Variants in DNAH14 observed in about 807,000 individuals in gnomAD.
The protein encoded by DNAH14 is axonemal beta dynein heavy chain 14.
DNAH14 carries 478 observed loss-of-function variants against 520.9 expected under a neutral mutation model. That is an observed-to-expected ratio of 0.92 (90% CI 0.85 to 0.99). The LOEUF is 0.99. Ranked by LOEUF, DNAH14 falls within the 50% of genes least tolerant of loss-of-function variation. The pLI, the probability that DNAH14 is intolerant of heterozygous loss-of-function variation, is 0.00. For missense variants in DNAH14, 4,831 were observed against 5,234.5 expected (o/e 0.92, Z 2.38); for synonymous variants, 1,581 against 1,757.2 (o/e 0.90, Z 2.51).
intron 8 of DNAH14, among the ~76,000 whole-genome samples, chr1:224,981,746 T>C (rs920952552): frequency 2.6e-4 from 39 of 152,194 alleles, no homozygotes; most frequent in African/African-American, 8.9e-4. Flanking sequence ...AGCTTTTTGT[T>C]TCATTTATCT....
At chr1:225,102,323 C>G (rs1214524397) in intron 23 of DNAH14, among the ~76,000 whole-genome samples, 1 of 152,022 alleles carries the variant, frequency 6.6e-6, no homozygotes, top group Non-Finnish European at 1.5e-5. Flanking sequence ...CAAGTCTTTG[C>G]TATTGTGAAT....
In DNAH14 at chr1:225,185,241, A is replaced by G. The variant is rs1573820000; in HGVS notation, c.5536-50A>G. On this transcript the variant is annotated intron_variant, in intron 36 of 85. Transcript: ENST00000682510. ...AATGGATATAGAGATATATTGGTTA[A>G]TAAACTTAAAATCATTAATGAATGA... 25 of 1,519,570 alleles carry G rather than the reference A, an allele frequency of 1.6e-5. 1 individual carries two copies. In the East Asian group the frequency reaches 2.8e-4, roughly 17 times the overall value. 94.1% of individuals were successfully genotyped at this position (1,519,570 alleles called of 1,614,324 possible).
intron 35 of DNAH14, among the ~76,000 whole-genome samples, chr1:225,163,543 A>G (rs927264494): frequency 1.2e-4 from 19 of 152,128 alleles, no homozygotes; most frequent in African/African-American, 4.6e-4. Context: ...ATACACAGTT[A>G]TTTGAGGATT....
intron 66 of DNAH14, among the ~76,000 whole-genome samples, chr1:225,337,032 T>C (rs1389925547): frequency 6.6e-6 from 1 of 152,214 alleles, no homozygotes; most frequent in Non-Finnish European, 1.5e-5. Flanking sequence ...ATCTTTGTTG[T>C]GATGGGCATC....
intron 84 of DNAH14, among the ~76,000 whole-genome samples, chr1:225,395,333 C>T (rs1477691714): frequency 6.6e-6 from 1 of 152,156 alleles, no homozygotes; most frequent in African/African-American, 2.4e-5. Context: ...GTGTCTCACA[C>T]CTGTAATCCC....
chr1:225,383,827 T>C (rs916969466), intron 81 of DNAH14, among the ~76,000 whole-genome samples: 1 of 152,244 alleles, frequency 6.6e-6, no homozygotes, highest in African/African-American at 2.4e-5. Flanking sequence ...TTAATTGTAA[T>C]ATTACAGTGT....
intron 35 of DNAH14, among the ~76,000 whole-genome samples, chr1:225,165,682 C>T (rs2081974203): frequency 6.6e-6 from 1 of 151,962 alleles, no homozygotes; most frequent in African/African-American, 2.4e-5. Context: ...ACCTCGGGCT[C>T]AAGCAATCCT....
intron 11 of DNAH14, among the ~76,000 whole-genome samples, chr1:225,027,525 A>G (rs372932591): frequency 1.3e-5 from 2 of 152,150 alleles, no homozygotes; most frequent in African/African-American, 2.4e-5. Flanking sequence ...TCCACAGTCT[A>G]TACAGGAAGC....
chr1:225,183,573 C>A (rs1274224594), intron 36 of DNAH14, among the ~76,000 whole-genome samples: 1 of 151,316 alleles, frequency 6.6e-6, no homozygotes, highest in African/African-American at 2.4e-5. Flanking sequence ...CAGAGCAGAA[C>A]TGAAGAAAAT....
At chr1:225,173,694 C>T (rs1271586426) in intron 36 of DNAH14, among the ~76,000 whole-genome samples, 1 of 152,184 alleles carries the variant, frequency 6.6e-6, no homozygotes, top group Non-Finnish European at 1.5e-5. Flanking sequence ...TTGTGGAAGT[C>T]AGTGTGGCGA....
intron 1 of DNAH14, among the ~76,000 whole-genome samples, chr1:224,933,047 C>A (rs1219128078): frequency 6.6e-6 from 1 of 152,006 alleles, no homozygotes; most frequent in Non-Finnish European, 1.5e-5. Context: ...GATATTAATT[C>A]TTCCTATCCA....
chr1:225,056,880 G>A (rs371553264), intron 17 of DNAH14, among the ~76,000 whole-genome samples: 25 of 152,138 alleles, frequency 1.6e-4, no homozygotes, highest in Non-Finnish European at 2.2e-4. Flanking sequence ...GTTCTGTTCC[G>A]TTGGTCTATA....
At chr1:225,025,535 C>T (rs2066036948) in intron 11 of DNAH14, among the ~76,000 whole-genome samples, 1 of 150,390 alleles carries the variant, frequency 6.6e-6, no homozygotes, top group Admixed American at 6.6e-5. Context: ...AGTTCAAGAC[C>T]AGTCTGGGCA....
At chr1:224,965,490 C>T (rs2489349) in intron 5 of DNAH14, among the ~76,000 whole-genome samples, 13,942 of 151,936 alleles carry the variant, frequency 0.092, 2,063 homozygotes, top group African/African-American at 0.31. Context: ...AACTCTGTCA[C>T]TGTAGTACCA....
chr1:225,147,359 G>GTT (rs148211135), intron 31 of DNAH14, 110 bp downstream of exon 31: 151 of 1,042,486 alleles, frequency 1.4e-4, no homozygotes, highest in African/African-American at 9.4e-4. Flanking sequence ...TCTTTGGGGT[G>GTT]TTTTTTTTTT....
intron 66 of DNAH14, among the ~76,000 whole-genome samples, chr1:225,336,204 G>A (rs58840178): frequency 0.24 from 35,799 of 149,658 alleles, 4,475 homozygotes; most frequent in East Asian, 0.35. Flanking sequence ...ATAAACCAAA[G>A]CACAAAACAG....
At chr1:225,120,637 T>C (rs1016903613) in intron 26 of DNAH14, among the ~76,000 whole-genome samples, 1 of 152,226 alleles carries the variant, frequency 6.6e-6, no homozygotes, top group South Asian at 2.1e-4. Flanking sequence ...ATGAAGTTAG[T>C]TGCGTCTGAT....
At chr1:225,376,421 C>T (rs2095702221) in intron 78 of DNAH14, among the ~76,000 whole-genome samples, 1 of 151,842 alleles carries the variant, frequency 6.6e-6, no homozygotes, top group African/African-American at 2.4e-5. Context: ...AGCAAGACTC[C>T]ATCTCAAAAA....
chr1:224,939,727 C>A (rs768470087), intron 1 of DNAH14, among the ~76,000 whole-genome samples: 1 of 152,008 alleles, frequency 6.6e-6, no homozygotes, highest in East Asian at 1.9e-4. Context: ...AAATAATAAA[C>A]ATCTGCAAGC....
Sources: gnomAD v4.1 joint callset for allele counts (sites outside exome capture counted in the v4.1 genomes callset) on GRCh38, gnomAD v4.1.1 for gene constraint, MANE v1.5 for transcripts, NCBI Gene and HGNC (gene_info 2026-07-23, HGNC 2026-07-21) for gene names.